MPRIP: variants seen among roughly 807,000 people sequenced by gnomAD.
MPRIP encodes the protein myosin phosphatase Rho-interacting protein.
A neutral mutation model predicts 234.9 loss-of-function variants in MPRIP; 59 were observed. The observed-to-expected ratio is 0.25, with a 90% confidence interval of 0.20 to 0.31. The LOEUF is 0.31. MPRIP is among the 10% of genes least tolerant of loss of function. The pLI is 1.00. For synonymous variants in MPRIP, 1,144 were observed against 1,263.9 expected, an observed-to-expected ratio of 0.91 and a Z score of 2.01; for missense variants, 2,436 against 3,071.0, an observed-to-expected ratio of 0.79 and a Z score of 4.89.
chr17:17,155,005 C>G (rs1048136642), intron 13 of MPRIP, among the ~76,000 whole-genome samples: 15 of 152,200 alleles, frequency 9.9e-5, no homozygotes, highest in Non-Finnish European at 2.1e-4. Flanking sequence ...AAGACTCAGA[C>G]ATATCTAAAA....
chr17:17,171,709 A>G lies in MPRIP; in HGVS notation c.6325-9A>G. On this transcript the variant is annotated splice_polypyrimidine_tract_variant and intron_variant, in intron 16 of 23. Coordinates refer to ENST00000651222, the MANE Select transcript of MPRIP (RefSeq NM_001364716.4). The stretch of plus-strand genomic sequence containing the variant: ...AAGAAGTCGATGAAGTCCCTTTTGC[A>G]TTTTGCAGGCCACGTGCGAGCGAGG... The G allele has an allele frequency of 6.2e-7, 1 of 1,606,490 alleles. No homozygotes were observed. Among genetic ancestry groups the G allele is most frequent in the Non-Finnish European group, 8.5e-7 (1 of 1,178,546 alleles).
At chr17:17,146,136 A>G (rs781601030) in intron 10 of MPRIP, 44 bp downstream of exon 10, 49 of 1,565,916 alleles carry the variant, frequency 3.1e-5, no homozygotes, top group African/African-American at 4.1e-5. Context: ...ATCTGGGGAC[A>G]GGGTGAGGGT....
chr17:17,112,970 C>T (rs915561946), intron 3 of MPRIP, among the ~76,000 whole-genome samples: 1 of 152,228 alleles, frequency 6.6e-6, no homozygotes, highest in Non-Finnish European at 1.5e-5. Flanking sequence ...TGTTTCCCAG[C>T]GGTCCTCCGA....
rs1479669532 is a variant in MPRIP at position 17,136,599 on chromosome 17, G to A, written c.736+149G>A. ...TCCATCAGCCCTGGGGGTAGCACCT[G>A]GCCTGGTATGTTCTGAGATTCCCGG... On this transcript the variant is annotated intron_variant, in intron 6 of 23. Transcript: ENST00000651222. 5.3e-6 allele frequency: 4 copies of A among 753,422 alleles called. No individual in the cohort carries two copies. In the Admixed American group the frequency reaches 8.3e-5, roughly 16 times the overall value. 46.7% of individuals were successfully genotyped at this position (753,422 alleles called of 1,614,324 possible). A position where few individuals can be genotyped will look rare whatever the true frequency, so the allele number is the denominator to read the frequency against.
chr17:17,156,331 T>A (rs574528619), intron 13 of MPRIP, among the ~76,000 whole-genome samples: 1 of 152,256 alleles, frequency 6.6e-6, no homozygotes, highest in East Asian at 1.9e-4. Context: ...AAAGTTGACC[T>A]GGCAGTTGGC....
At chr17:17,100,815 G>A (rs989334733) in intron 3 of MPRIP, among the ~76,000 whole-genome samples, 5 of 152,092 alleles carry the variant, frequency 3.3e-5, no homozygotes, top group Admixed American at 6.6e-5. Context: ...AATGTAATGC[G>A]CTTAAATAAT....
intron 21 of MPRIP, 85 bp downstream of exon 21, chr17:17,176,597 G>A (rs970176952): frequency 1.1e-4 from 118 of 1,072,610 alleles, no homozygotes; most frequent in Admixed American, 8.3e-4. Flanking sequence ...GGTGCTCAGC[G>A]CGGGCTCTTC....
At chr17:17,169,229 G>A (rs765240265) in intron 16 of MPRIP, 7 of 352,774 alleles carry the variant, frequency 2.0e-5, no homozygotes, top group Non-Finnish European at 3.4e-5. Flanking sequence ...GGATCCAGGT[G>A]CACCTTGAAA....
rs1200262380 is a variant in MPRIP, at chr17:17,188,989, A to G, written c.*4095A>G. On this transcript the variant is annotated 3_prime_UTR_variant, in exon 24 of 24. Coordinates refer to ENST00000651222, the MANE Select transcript of MPRIP (RefSeq NM_001364716.4). ...TTGGGTGACTTTAATGGCTGGCCAC[A>G]TACCCCTTTCTCCCAGCTACTCATT... is the stretch of plus-strand genomic sequence containing the variant. 6.6e-6 allele frequency: 1 copy of G among 152,240 alleles called. No individual in the cohort carries two copies. The highest frequency in any genetic ancestry group is 1.5e-5 in the Non-Finnish European group (1 of 68,064). The allele number at this position is 152,240 out of a possible 1,614,324, so 9.4% of individuals were successfully genotyped here. A position where few individuals can be genotyped will look rare whatever the true frequency, so the allele number is the denominator to read the frequency against.
chr17:17,172,717 C>T lies in MPRIP; in HGVS notation c.6492C>T (p.Asn2164=), dbSNP rs549914894. ...CTGCAGCCATCGAAGCCATGAAGAA[C>T]GCCCACCGGGAGGAAATGGAGCGGG... ...ATISAIEAMK[N]AHREEMEREL... is the part of the protein sequence containing the mutation. The change falls in exon 18 of 24, where the codon AAC becomes AAT. Residue 2164 remains asparagine, a synonymous_variant. Coordinates refer to ENST00000651222, the MANE Select transcript of MPRIP (RefSeq NM_001364716.4). 7.4e-6 allele frequency: 12 copies of T among 1,611,472 alleles called. No individual in the cohort carries two copies. Among genetic ancestry groups the T allele is most frequent in the South Asian group, 3.3e-5 (3 of 91,008 alleles).
intron 1 of MPRIP, among the ~76,000 whole-genome samples, chr17:17,044,394 C>G (rs1281920199): frequency 6.6e-6 from 1 of 152,196 alleles, no homozygotes; most frequent in Admixed American, 6.5e-5. Context: ...GCTGTCACTT[C>G]CAGCTGTGTG....
intron 18 of MPRIP, 103 bp downstream of exon 18, chr17:17,172,918 GTGGGGCC>G: frequency 1.8e-6 from 2 of 1,095,364 alleles, no homozygotes; most frequent in Non-Finnish European, 2.6e-6. Context: ...GCCTCCAGAA[GTGGGGCC>G]TGGGGCCCCT....
At chr17:17,082,787 C>G (rs1045993450) in intron 3 of MPRIP, among the ~76,000 whole-genome samples, 1 of 152,226 alleles carries the variant, frequency 6.6e-6, no homozygotes, top group Non-Finnish European at 1.5e-5. Context: ...TCCCCAGCCC[C>G]TGGAAACCCC....
chr17:17,075,684 G>A, intron 1 of MPRIP, 26 bp from the exon 2 acceptor site: 1 of 1,607,294 alleles, frequency 6.2e-7, no homozygotes, highest in Non-Finnish European at 8.5e-7. Flanking sequence ...GGCTGCTGGT[G>A]ACCTGCCCTC....
intron 16 of MPRIP, chr17:17,168,878 C>T (rs1165921981): frequency 2.2e-6 from 1 of 456,610 alleles, no homozygotes; most frequent in Non-Finnish European, 4.4e-6. Context: ...GCTCCTGACT[C>T]CCAGGTGGCT....
In MPRIP at chr17:17,082,429, G is replaced by A. The variant is rs558950471; in HGVS notation, c.267+4353G>A. ...TCCTGCCTCAGCCTCCGGAGTAGCT[G>A]GGATTACAGGCATGGGCCACCATGC... On this transcript the variant is annotated intron_variant, in intron 3 of 23. Coordinates refer to ENST00000651222, the MANE Select transcript of MPRIP (RefSeq NM_001364716.4). 1.3e-4 allele frequency among the ~76,000 whole-genome samples: 19 copies of A among 151,516 alleles called. No individual in the cohort carries two copies. The South Asian group carries it at 4.0e-3, about 32-fold the overall frequency.
chr17:17,158,639 C>T lies in MPRIP; in HGVS notation c.2037C>T (p.Gly679=), dbSNP rs377441554. 196 of 1,600,120 alleles carry T rather than the reference C, an allele frequency of 1.2e-4. No individual in the cohort carries two copies. The highest frequency in any genetic ancestry group is 1.9e-4 in the African/African-American group (14 of 74,622). ...AGGCCCTGGCTCAGGAGCGGGTGGG[C>T]GGCGTGGGGCCTGCTGACACCCACG... ...IQQALAQERV[G]GVGPADTHEP... Residue 679 remains glycine, a synonymous_variant, in exon 14 of 24, where the codon GGC becomes GGT. Transcript: ENST00000651222.
chr17:17,085,146 G>A (rs1032351500), intron 3 of MPRIP, among the ~76,000 whole-genome samples: 3 of 152,188 alleles, frequency 2.0e-5, no homozygotes, highest in Non-Finnish European at 4.4e-5. Context: ...AAGTACCTTA[G>A]GGAGGGCTTG....
chr17:17,065,170 A>G (rs1310327775), intron 1 of MPRIP, among the ~76,000 whole-genome samples: 1 of 152,166 alleles, frequency 6.6e-6, no homozygotes, highest in Non-Finnish European at 1.5e-5. Context: ...TATATAGTCT[A>G]AATACTAGTA....
Sources: allele counts gnomAD v4.1 joint callset (sites outside exome capture counted in the v4.1 genomes callset), GRCh38; gene constraint gnomAD v4.1.1; transcripts MANE v1.5; gene names NCBI Gene and HGNC (gene_info 2026-07-23, HGNC 2026-07-21).